Variants in SLC8A1 observed in about 807,000 individuals in gnomAD.
The protein encoded by SLC8A1 is sodium/calcium exchanger 1.
SLC8A1 carries 18 observed loss-of-function variants against 68.3 expected under a neutral mutation model. That is an observed-to-expected ratio of 0.26 (90% CI 0.18 to 0.39). The LOEUF (loss-of-function observed/expected upper bound fraction) is 0.39, where lower values mean the gene tolerates loss of function less well. SLC8A1 is among the 10% of genes least tolerant of loss of function. The pLI is 1.00. For synonymous variants in SLC8A1, 475 were observed against 415.5 expected, an observed-to-expected ratio of 1.14 and a Z score of -1.74; for missense variants, 985 against 1,156.7, an observed-to-expected ratio of 0.85 and a Z score of 2.15.
In SLC8A1 at chr2:40,199,185, G is replaced by A. The variant is rs1021527945; in HGVS notation, c.1809-21330C>T. ...TTGTGGAATTTAGAGTATGTGATGG[G>A]GCCTACTTGGAATCCTAGTAGACAG... is the stretch of plus-strand genomic sequence containing the variant. On this transcript the variant is annotated intron_variant, in intron 2 of 7. Coordinates refer to ENST00000406785, the Ensembl canonical transcript of SLC8A1. Among the ~76,000 whole-genome samples the A allele has an allele frequency of 4.0e-5, 6 of 151,762 alleles. No homozygotes were observed. In the East Asian group the frequency reaches 9.7e-4, roughly 25 times the overall value.
At chr2:40,302,734 C>A (rs868489294) in intron 2 of SLC8A1, among the ~76,000 whole-genome samples, 5 of 152,054 alleles carry the variant, frequency 3.3e-5, no homozygotes, top group African/African-American at 1.2e-4. Flanking sequence ...GTAATGACTT[C>A]TTTTCCTCTG....
chr2:40,431,852 G>A (rs532555386), intron 1 of SLC8A1, among the ~76,000 whole-genome samples: 6 of 152,182 alleles, frequency 3.9e-5, no homozygotes, highest in African/African-American at 1.4e-4. Flanking sequence ...GGAGAACACC[G>A]CTGCCTAGGA....
At chr2:40,127,911 C>T (rs1045295503) in intron 7 of SLC8A1, among the ~76,000 whole-genome samples, 1 of 152,192 alleles carries the variant, frequency 6.6e-6, no homozygotes. Context: ...AATACGGGCA[C>T]TAACGGAGTT....
intron 2 of SLC8A1, among the ~76,000 whole-genome samples, chr2:40,319,936 G>T (rs1049109998): frequency 2.6e-5 from 4 of 152,058 alleles, no homozygotes; most frequent in African/African-American, 9.7e-5. Flanking sequence ...ACACAATATT[G>T]CTGATGTGAA....
chr2:40,233,292 T>A (rs1396802058), intron 2 of SLC8A1, among the ~76,000 whole-genome samples: 5 of 152,264 alleles, frequency 3.3e-5, no homozygotes, highest in Non-Finnish European at 4.4e-5. Flanking sequence ...ATCACCATTC[T>A]AACTGGTGTG....
At chr2:40,344,090 G>T (rs978317998) in intron 2 of SLC8A1, among the ~76,000 whole-genome samples, 1 of 152,170 alleles carries the variant, frequency 6.6e-6, no homozygotes, top group Admixed American at 6.6e-5. Flanking sequence ...GTCAAGGAAA[G>T]CTTCCAGGGA....
chr2:40,318,350 T>C (rs10171390), intron 2 of SLC8A1, among the ~76,000 whole-genome samples: 15,277 of 152,054 alleles, frequency 0.1, 1,138 homozygotes, highest in African/African-American at 0.21. Context: ...GATATTGTTC[T>C]ACTTAACACT....
intron 1 of SLC8A1, among the ~76,000 whole-genome samples, chr2:40,467,266 C>A (rs1459846141): frequency 6.6e-6 from 1 of 152,152 alleles, no homozygotes; most frequent in Non-Finnish European, 1.5e-5. Context: ...TCTGAAAATG[C>A]TGTCCTTTTG....
At chr2:40,390,041 C>T (rs1346598823) in intron 2 of SLC8A1, among the ~76,000 whole-genome samples, 1 of 151,788 alleles carries the variant, frequency 6.6e-6, no homozygotes, top group African/African-American at 2.4e-5. Flanking sequence ...TTTCTAATGG[C>T]TGTATAATAT....
At chr2:40,201,112 C>CA (rs1000261921) in intron 2 of SLC8A1, among the ~76,000 whole-genome samples, 157 of 144,692 alleles carry the variant, frequency 1.1e-3, no homozygotes, top group Middle Eastern at 3.5e-3. Flanking sequence ...CCCACTCCCT[C>CA]AAAAAAAAAA....
chr2:40,112,612 T>C (rs1035900872), exon 8 of SLC8A1: 1 of 151,922 alleles, frequency 6.6e-6, no homozygotes, highest in African/African-American at 2.4e-5. Flanking sequence ...ATTCCTTGAA[T>C]ATATTTACTT....
chr2:40,500,795 C>CTTTTTTTTTTTTTTTTTT (rs1191619172), intron 1 of SLC8A1, among the ~76,000 whole-genome samples: 6 of 37,262 alleles, frequency 1.6e-4, no homozygotes, highest in Admixed American at 4.8e-4. Flanking sequence ...TATCATCTGA[C>CTTTTTTTTTTTTTTTTTT]TTTTTTTTTT....
chr2:40,371,905 G>T (rs937391561), intron 2 of SLC8A1, among the ~76,000 whole-genome samples: 26 of 151,974 alleles, frequency 1.7e-4, no homozygotes, highest in African/African-American at 6.3e-4. Context: ...TGGTCTCCTG[G>T]GCCAGGCACT....
chr2:40,378,974 A>G (rs1229259266), intron 2 of SLC8A1, among the ~76,000 whole-genome samples: 2 of 151,974 alleles, frequency 1.3e-5, no homozygotes, highest in South Asian at 2.1e-4. Context: ...TGCACTATTT[A>G]TTTGTTCACT....
At chr2:40,406,354 C>A (rs1690318606) in intron 2 of SLC8A1, among the ~76,000 whole-genome samples, 1 of 152,040 alleles carries the variant, frequency 6.6e-6, no homozygotes, top group Non-Finnish European at 1.5e-5. Flanking sequence ...TTCCAAGATG[C>A]TAGAAGATTC....
intron 2 of SLC8A1, among the ~76,000 whole-genome samples, chr2:40,194,528 G>C (rs2052579076): frequency 6.6e-6 from 1 of 151,036 alleles, no homozygotes; most frequent in Admixed American, 6.6e-5. Flanking sequence ...GAAAACGAGA[G>C]GGAGAAGGAA....
In SLC8A1 at chr2:40,194,506, TGCGCGC is replaced by T. The variant is rs111376875; in HGVS notation, c.1809-16657_1809-16652del. Among the ~76,000 whole-genome samples, 469 of 131,926 alleles carry T rather than the reference TGCGCGC, an allele frequency of 3.6e-3. 2 individuals are homozygous for T. Among genetic ancestry groups the T allele is most frequent in the Middle Eastern group, 0.011 (3 of 266 alleles). The allele number at this position is 131,926 out of a possible 152,430, so 86.5% of individuals were successfully genotyped here. ...GTGTGTGTGTGTGTGTGTGTGTGTGTGCGCGCGCAAAGAAAACGAGAGGGAGAAGGA... is the reference window on the plus strand; with the variant it reads ...GTGTGTGTGTGTGTGTGTGTGTGTGTGCAAAGAAAACGAGAGGGAGAAGGA... On this transcript the variant is annotated intron_variant, in intron 2 of 7. Transcript: ENST00000406785.
chr2:40,145,950 CAAACA>C (rs2042384242), intron 6 of SLC8A1, among the ~76,000 whole-genome samples: 1 of 136,952 alleles, frequency 7.3e-6, no homozygotes, highest in Admixed American at 7.8e-5. Flanking sequence ...GATTTATTCC[CAAACA>C]AGAGTTGATC....
At chr2:40,391,156 T>A (rs934457757) in intron 2 of SLC8A1, among the ~76,000 whole-genome samples, 17 of 105,192 alleles carry the variant, frequency 1.6e-4, no homozygotes, top group Admixed American at 1.3e-3. Flanking sequence ...TATATATATA[T>A]AAATATATAT....
Sources: gnomAD v4.1 joint callset for allele counts (sites outside exome capture counted in the v4.1 genomes callset) on GRCh38, gnomAD v4.1.1 for gene constraint, MANE v1.5 for transcripts, NCBI Gene and HGNC (gene_info 2026-07-23, HGNC 2026-07-21) for gene names.